MARCHF1: variants seen among roughly 807,000 people sequenced by gnomAD.
MARCHF1 encodes membrane associated ring-CH-type finger 1.
A neutral mutation model predicts 54.2 loss-of-function variants in MARCHF1; 40 were observed. The observed-to-expected ratio is 0.74, with a 90% confidence interval of 0.57 to 0.96. The LOEUF (loss-of-function observed/expected upper bound fraction) is 0.96, where lower values mean the gene tolerates loss of function less well. Ranked by LOEUF, MARCHF1 falls within the 40% of genes least tolerant of loss-of-function variation. The pLI is 0.00. For synonymous variants in MARCHF1, 236 were observed against 236.3 expected, an observed-to-expected ratio of 1.00 and a Z score of 0.01; for missense variants, 586 against 656.5, an observed-to-expected ratio of 0.89 and a Z score of 1.17.
At chr4:163,749,488 G>T (rs1283092005) in intron 4 of MARCHF1, among the ~76,000 whole-genome samples, 1 of 151,790 alleles carries the variant, frequency 6.6e-6, no homozygotes, top group African/African-American at 2.4e-5. Flanking sequence ...AGTGATGAGG[G>T]TGATCATCTT....
chr4:164,176,063 T>C (rs1191739547), intron 1 of MARCHF1, among the ~76,000 whole-genome samples: 1 of 152,168 alleles, frequency 6.6e-6, no homozygotes, highest in Non-Finnish European at 1.5e-5. Context: ...TATCAATCTA[T>C]TGATAAGAAA....
intron 4 of MARCHF1, among the ~76,000 whole-genome samples, chr4:163,736,780 G>A (rs1203345757): frequency 6.6e-6 from 1 of 152,128 alleles, no homozygotes; most frequent in Non-Finnish European, 1.5e-5. Context: ...CACCAAGTAT[G>A]TTTTTATTCT....
intron 9 of MARCHF1, among the ~76,000 whole-genome samples, chr4:163,533,705 A>G (rs2110873626): frequency 6.8e-6 from 1 of 146,390 alleles, no homozygotes; most frequent in African/African-American, 2.6e-5. Context: ...ATTTATATAT[A>G]TTAGCTCCTT....
intron 1 of MARCHF1, among the ~76,000 whole-genome samples, chr4:164,352,040 G>C (rs1392783448): frequency 2.3e-5 from 3 of 131,194 alleles, no homozygotes; most frequent in Admixed American, 2.2e-4. Flanking sequence ...ATGAAATGAA[G>C]CGAGAAGGGA....
chr4:163,633,746 T>C (rs1371529618), intron 5 of MARCHF1, among the ~76,000 whole-genome samples: 3 of 151,322 alleles, frequency 2.0e-5, no homozygotes, highest in African/African-American at 4.9e-5. Context: ...ATACAGAGAA[T>C]GCCACAAAGA....
At chr4:164,359,140 C>G (rs1730650636) in intron 1 of MARCHF1, among the ~76,000 whole-genome samples, 1 of 152,038 alleles carries the variant, frequency 6.6e-6, no homozygotes, top group Admixed American at 6.6e-5. Context: ...TGCTTTGCAC[C>G]AAGCAGTTAG....
In MARCHF1 at chr4:163,612,620, C is replaced by T. The variant is rs1431193083; in HGVS notation, c.661G>A (p.Glu221Lys). ...DLGSKGKEQQ[E>K]LIECESCSLN... is the part of the protein sequence containing the mutation. ...GAGCAACTCTCACATTCAATCAGCT[C>T]TTGTTGCTCTTTACCTTTGGATCCC... The change falls in exon 7 of 10, where the codon GAG (glutamate) becomes AAG (lysine). Residue 221 changes from glutamate to lysine, a missense_variant. By Grantham distance (56) the Glu-to-Lys change is moderately conservative. Around this residue, in one of 3 missense-constraint regions of MARCHF1, gnomAD observed 387 missense variants for 394.6 expected, o/e 0.98. Coordinates refer to ENST00000514618, the MANE Select transcript of MARCHF1 (RefSeq NM_001394959.1). 6 of 1,535,454 alleles carry T rather than the reference C, an allele frequency of 3.9e-6. No homozygotes were observed. The highest frequency in any genetic ancestry group is 5.2e-6 in the Non-Finnish European group (6 of 1,146,558).
At chr4:163,862,359 A>G (rs1749957793) in intron 3 of MARCHF1, among the ~76,000 whole-genome samples, 1 of 152,096 alleles carries the variant, frequency 6.6e-6, no homozygotes, top group Admixed American at 6.6e-5. Context: ...AAAACTCAAC[A>G]ATTAGAAAGT....
intron 4 of MARCHF1, among the ~76,000 whole-genome samples, chr4:163,787,380 TA>T (rs535768043): frequency 2.7e-4 from 39 of 145,034 alleles, no homozygotes; most frequent in African/African-American, 5.5e-4. Flanking sequence ...AACTCAACAA[TA>T]AAAAAAAAAC....
intron 3 of MARCHF1, among the ~76,000 whole-genome samples, chr4:163,960,205 T>A (rs1052804736): frequency 6.6e-6 from 1 of 151,940 alleles, no homozygotes; most frequent in East Asian, 1.9e-4. Flanking sequence ...ACACTGTTGG[T>A]GGGAATGTAA....
intron 1 of MARCHF1, chr4:164,197,693 TC>T (rs780264112): frequency 6.2e-7 from 1 of 1,612,394 alleles, no homozygotes; most frequent in South Asian, 1.1e-5. Context: ...TCTGAATGAA[TC>T]CGTCTGCCCA....
chr4:164,350,894 G>T (rs964555991), intron 1 of MARCHF1, among the ~76,000 whole-genome samples: 1 of 152,020 alleles, frequency 6.6e-6, no homozygotes, highest in East Asian at 1.9e-4. Context: ...GGGCGCAGGC[G>T]AGTGGGTGCG....
intron 4 of MARCHF1, among the ~76,000 whole-genome samples, chr4:163,722,673 G>T (rs1002438240): frequency 6.6e-6 from 1 of 152,156 alleles, no homozygotes; most frequent in Admixed American, 6.5e-5. Context: ...AAATCTCTTT[G>T]TAGATCTCTA....
At chr4:163,883,457 A>G (rs943329276) in intron 3 of MARCHF1, among the ~76,000 whole-genome samples, 3 of 151,400 alleles carry the variant, frequency 2.0e-5, no homozygotes, top group African/African-American at 7.3e-5. Context: ...GAAAAGTTCC[A>G]GTAGGAGACC....
At chr4:164,203,013 G>A in intron 1 of MARCHF1, among the ~76,000 whole-genome samples, 1 of 151,972 alleles carries the variant, frequency 6.6e-6, no homozygotes, top group Non-Finnish European at 1.5e-5. Context: ...GAGAGAGAGA[G>A]AAATAACAGA....
intron 1 of MARCHF1, among the ~76,000 whole-genome samples, chr4:164,376,826 C>T (rs1731207171): frequency 2.0e-5 from 3 of 152,184 alleles, no homozygotes; most frequent in African/African-American, 4.8e-5. Flanking sequence ...GAGTCAAAGG[C>T]TGCCTACAAT....
rs1750750427 is a variant in MARCHF1 at position 163,894,713 on chromosome 4, TATATATATGCATGTGATGC to T, written c.-38-40563_-38-40545del. Among the ~76,000 whole-genome samples, 30 of 44,276 alleles carry T rather than the reference TATATATATGCATGTGATGC, an allele frequency of 6.8e-4. 3 individuals carry two copies. The highest frequency in any genetic ancestry group is 1.4e-3 in the Admixed American group (7 of 4,914). 29.0% of individuals were successfully genotyped at this position (44,276 alleles called of 152,430 possible). On this transcript the variant is annotated intron_variant, in intron 3 of 9. Coordinates refer to ENST00000514618, the MANE Select transcript of MARCHF1 (RefSeq NM_001394959.1). Reference sequence around the variant, plus strand: ...TGCATATATATATGCATGTGATGCATATATATATGCATGTGATGCATATATATATGCATGTGATGCATAT... The same window carrying T: ...TGCATATATATATGCATGTGATGCATATATATATATGCATGTGATGCATAT...
chr4:164,319,626 T>G (rs1029600238), intron 1 of MARCHF1, among the ~76,000 whole-genome samples: 2 of 152,196 alleles, frequency 1.3e-5, no homozygotes, highest in Admixed American at 6.6e-5. Flanking sequence ...CCCCTAATAC[T>G]GTATCTCATG....
intron 9 of MARCHF1, chr4:163,529,906 G>T (rs1714501111): frequency 6.6e-6 from 1 of 151,882 alleles, no homozygotes. Context: ...GTGGTGTGGG[G>T]GACAATAGCT....
Sources: allele counts gnomAD v4.1 joint callset (sites outside exome capture counted in the v4.1 genomes callset), GRCh38; gene constraint gnomAD v4.1.1; regional missense constraint gnomAD v4.1.1; transcripts MANE v1.5; gene names NCBI Gene and HGNC (gene_info 2026-07-23, HGNC 2026-07-21).